The following NPHS2 variants were observed in gnomAD, a reference collection of about 807,000 sequenced individuals.
The protein encoded by NPHS2 is NPHS2 stomatin family member, podocin, also known as podocin.
In NPHS2, 36 loss-of-function variants were observed where a neutral mutation model predicts 37.1. The observed-to-expected ratio is 0.97, with a 90% CI of 0.74 to 1.28. The LOEUF is 1.28. Ranked by LOEUF, NPHS2 falls within the 50% of genes most tolerant of loss-of-function variation. The probability of loss-of-function intolerance (pLI) is 0.00; values close to 1 mark genes in which losing one functional copy is unlikely to be tolerated. For missense variants in NPHS2, 447 were observed against 488.1 expected (o/e 0.92, Z 0.79); for synonymous variants, 196 against 189.3 (o/e 1.04, Z -0.29).
At chr1:179,573,412 A>G (rs1283821890) in intron 1 of NPHS2, among the ~76,000 whole-genome samples, 1 of 152,188 alleles carries the variant, frequency 6.6e-6, no homozygotes, top group African/African-American at 2.4e-5. Context: ...TAGGCACTAC[A>G]TCCCATTCCT....
In NPHS2 at chr1:179,575,810, T is replaced by G. The variant is rs1442129751; in HGVS notation, c.55A>C (p.Thr19Pro). The change falls in exon 1 of 8, where the codon ACT becomes CCT. Residue 19 changes from threonine to proline, a missense_variant. Thr to Pro is a conservative substitution (Grantham distance 38). Coordinates refer to ENST00000367615, the MANE Select transcript of NPHS2 (RefSeq NM_014625.4). The part of the protein sequence containing the change: ...SRESRGRGGR[T>P]PHKENKRAKA... ...GCCCTCTTGTTCTCCTTGTGCGGAG[T>G]CCTGCCGCCTCGCCCGCGGGACTCC... 9 of 1,461,820 alleles carry G rather than the reference T, an allele frequency of 6.2e-6. No individual in the cohort carries two copies. Among genetic ancestry groups the G allele is most frequent in the Non-Finnish European group, 8.1e-6 (9 of 1,116,588 alleles). The allele number at this position is 1,461,820 out of a possible 1,614,324, so 90.6% of individuals were successfully genotyped here. A position where few individuals can be genotyped will look rare whatever the true frequency, so the allele number is the denominator to read the frequency against.
At chr1:179,563,837 A>G (rs1674237491) in intron 2 of NPHS2, among the ~76,000 whole-genome samples, 1 of 152,200 alleles carries the variant, frequency 6.6e-6, no homozygotes, top group Admixed American at 6.5e-5. Context: ...GAAGGGGAAG[A>G]GGAAAGAGCT....
At position 179,551,163 on chromosome 1, in the gene NPHS2, C is replaced by T; in HGVS notation, c.*10G>A. Reference sequence around the variant, plus strand: ...AGGCCCCTTTACAGTCACATTATGCCCCATCCTTCCTATAACATGGGAGAG... The same window carrying T: ...AGGCCCCTTTACAGTCACATTATGCTCCATCCTTCCTATAACATGGGAGAG... On this transcript the variant is annotated 3_prime_UTR_variant, in exon 8 of 8. Coordinates refer to ENST00000367615, the MANE Select transcript of NPHS2 (RefSeq NM_014625.4). 6.2e-7 allele frequency: 1 copy of T among 1,613,712 alleles called. No homozygotes were observed. The highest frequency in any genetic ancestry group is 8.5e-7 in the Non-Finnish European group (1 of 1,179,982).
At chr1:179,558,018 T>C (rs566362123) in intron 4 of NPHS2, among the ~76,000 whole-genome samples, 1 of 152,262 alleles carries the variant, frequency 6.6e-6, no homozygotes, top group South Asian at 2.1e-4. Flanking sequence ...CAGTTAACTA[T>C]GGGTAACAGG....
At chr1:179,565,351 G>C (rs949090091) in intron 1 of NPHS2, among the ~76,000 whole-genome samples, 1 of 152,170 alleles carries the variant, frequency 6.6e-6, no homozygotes, top group Non-Finnish European at 1.5e-5. Flanking sequence ...CTGGATTCCA[G>C]TTCTGGCTCT....
rs1468074369 is a variant in NPHS2 at position 179,556,303 on chromosome 1, T to C, written c.738+724A>G. Among the ~76,000 whole-genome samples, 4 of 152,232 alleles carry C rather than the reference T, an allele frequency of 2.6e-5. No individual in the cohort carries two copies. Among genetic ancestry groups the C allele is most frequent in the African/African-American group, 9.6e-5 (4 of 41,476 alleles). On this transcript the variant is annotated intron_variant, in intron 5 of 7. Transcript: ENST00000367615. This position sits in a 1 kb window ranked among gnomAD's most constrained non-coding sequence, Gnocchi z 4.1. ...GGCCTGGGTGTCCCCACTGCTTCAGTGACAGGCTCCATTGCTGGTGGTAAT... is the reference window on the plus strand; with the variant it reads ...GGCCTGGGTGTCCCCACTGCTTCAGCGACAGGCTCCATTGCTGGTGGTAAT...
intron 1 of NPHS2, among the ~76,000 whole-genome samples, chr1:179,566,311 A>G (rs1430471227): frequency 6.6e-6 from 1 of 152,230 alleles, no homozygotes; most frequent in Non-Finnish European, 1.5e-5. Context: ...CATTTCTCTG[A>G]TGACCAGTGA....
rs1673915172 is a variant in NPHS2, at chr1:179,556,166, G to T, written c.738+861C>A. On this transcript the variant is annotated intron_variant, in intron 5 of 7. Coordinates refer to ENST00000367615, the MANE Select transcript of NPHS2 (RefSeq NM_014625.4). This position sits in a 1 kb window ranked among gnomAD's most constrained non-coding sequence, Gnocchi z 4.1. ...GGATGAATAAGGAAAGGAGGGTGAA[G>T]GGGGACATCCCATAAAGCATAATTG... Among the ~76,000 whole-genome samples, 1 of 152,216 alleles carries T rather than the reference G, an allele frequency of 6.6e-6. No homozygotes were observed. Among genetic ancestry groups the T allele is most frequent in the African/African-American group, 2.4e-5 (1 of 41,462 alleles).
At chr1:179,566,314 A>G (rs1411914313) in intron 1 of NPHS2, among the ~76,000 whole-genome samples, 1 of 152,202 alleles carries the variant, frequency 6.6e-6, no homozygotes, top group Non-Finnish European at 1.5e-5. Context: ...TTCTCTGATG[A>G]CCAGTGATGA....
intron 6 of NPHS2, among the ~76,000 whole-genome samples, chr1:179,553,221 C>CG (rs1673578283): frequency 6.6e-6 from 1 of 152,206 alleles, no homozygotes; most frequent in Non-Finnish European, 1.5e-5. Flanking sequence ...AAGTTAAATA[C>CG]GGAGTTACCA....
intron 1 of NPHS2, among the ~76,000 whole-genome samples, chr1:179,570,927 T>G (rs1426495501): frequency 6.6e-6 from 1 of 152,188 alleles, no homozygotes; most frequent in Non-Finnish European, 1.5e-5. Flanking sequence ...TCATTTAAGG[T>G]CTTCTCTATA....
At position 179,551,181 on chromosome 1, in the gene NPHS2, TG is replaced by T; in HGVS notation, c.1143del (p.Met382CysfsTer8). On this transcript the variant is annotated frameshift_variant, in exon 8 of 8. Transcript: ENST00000367615. LOFTEE classifies it high-confidence loss of function. ...EPLNPKKKDS[P>X]ML Reference sequence around the variant, plus strand: ...ATTATGCCCCATCCTTCCTATAACATGGGAGAGTCTTTCTTTTTAGGATTTA... The same window carrying T: ...ATTATGCCCCATCCTTCCTATAACATGGAGAGTCTTTCTTTTTAGGATTTA... 6.2e-7 allele frequency: 1 copy of T among 1,613,962 alleles called. No homozygotes were observed. Among genetic ancestry groups the T allele is most frequent in the Non-Finnish European group, 8.5e-7 (1 of 1,179,970 alleles).
chr1:179,558,708 A>G (rs1393888265), intron 4 of NPHS2, among the ~76,000 whole-genome samples: 2 of 152,146 alleles, frequency 1.3e-5, no homozygotes, highest in African/African-American at 2.4e-5. Flanking sequence ...CCAACAGTGC[A>G]CGAGGGTTCC....
At chr1:179,552,157 GC>G in intron 7 of NPHS2, 1 of 200,836 alleles carries the variant, frequency 5.0e-6, no homozygotes. Flanking sequence ...GAGCCGAGTA[GC>G]ACAGCCTTCT....
rs368265270 is a variant in NPHS2, at chr1:179,566,677, C to G, written c.275-1884G>C. On this transcript the variant is annotated intron_variant, in intron 1 of 7. Transcript: ENST00000367615. ...TGAACGGTATTGCCTAGGTTTTCTTCTAGGGTTTTTATGGTTTTAGGTCTA... is the reference window on the plus strand; with the variant it reads ...TGAACGGTATTGCCTAGGTTTTCTTGTAGGGTTTTTATGGTTTTAGGTCTA... 2.6e-4 allele frequency among the ~76,000 whole-genome samples: 39 copies of G among 152,272 alleles called. No homozygotes were observed. In the South Asian group the frequency reaches 2.7e-3, roughly 11 times the overall value.
chr1:179,564,634 G>A, intron 2 of NPHS2, 56 bp downstream of exon 2: 1 of 1,354,414 alleles, frequency 7.4e-7, no homozygotes, highest in East Asian at 2.3e-5. Context: ...AATGGGCATG[G>A]TGTGGCCAGT....
At chr1:179,560,851 A>C (rs927755631) in intron 3 of NPHS2, among the ~76,000 whole-genome samples, 2 of 152,164 alleles carry the variant, frequency 1.3e-5, no homozygotes, top group Non-Finnish European at 2.9e-5. Flanking sequence ...TGCTTAATCT[A>C]TGTTTTTTAA....
chr1:179,552,925 C>T (rs1384457550), intron 6 of NPHS2, among the ~76,000 whole-genome samples: 1 of 152,208 alleles, frequency 6.6e-6, no homozygotes, highest in Non-Finnish European at 1.5e-5. Context: ...ATTATCAGCA[C>T]AGCAGGTTTT....
chr1:179,562,965 G>A (rs1674200675), intron 2 of NPHS2, among the ~76,000 whole-genome samples: 1 of 152,154 alleles, frequency 6.6e-6, no homozygotes, highest in African/African-American at 2.4e-5. Context: ...CCAGATCTGA[G>A]AGCCTTTCCC....
Sources: gnomAD v4.1 joint callset for allele counts (sites outside exome capture counted in the v4.1 genomes callset) on GRCh38, gnomAD v4.1.1 for gene constraint, Gnocchi (gnomAD v3.1) non-coding constraint, MANE v1.5 for transcripts, NCBI Gene and HGNC (gene_info 2026-07-23, HGNC 2026-07-21) for gene names.